Variants in SHB observed in about 807,000 individuals in gnomAD.
The protein encoded by SHB is SH2 domain containing adaptor protein B.
A neutral mutation model predicts 52.3 loss-of-function variants in SHB; 20 were observed. The observed-to-expected ratio is 0.38, with a 90% CI of 0.27 to 0.56. The LOEUF (loss-of-function observed/expected upper bound fraction) is 0.56. Among genes scored for constraint, SHB ranks in the 20% least tolerant of loss-of-function variants. SHB has a pLI of 0.71. For synonymous variants in SHB, 397 were observed against 316.5 expected (o/e 1.25, Z -2.70); for missense variants, 825 against 723.3 (o/e 1.14, Z -1.61).
chr9:38,005,174 C>T (rs577478758), intron 2 of SHB, among the ~76,000 whole-genome samples: 2 of 152,214 alleles, frequency 1.3e-5, no homozygotes, highest in Admixed American at 6.5e-5. Flanking sequence ...AATGGGGTGA[C>T]GTGGGCAGTA....
In SHB at chr9:37,919,813, T is replaced by A; in HGVS notation, c.*8A>T. ...GCTCTGTCACAGAGCAGGGCAGGTC[T>A]GGTCCGCTCACAGGGTCCTCACAGC... On this transcript the variant is annotated 3_prime_UTR_variant, in exon 6 of 6. Transcript: ENST00000377707. 6.2e-7 allele frequency: 1 copy of A among 1,612,138 alleles called. No individual in the cohort carries two copies. Among genetic ancestry groups the A allele is most frequent in the Non-Finnish European group, 8.5e-7 (1 of 1,179,236 alleles).
intron 2 of SHB, among the ~76,000 whole-genome samples, chr9:37,994,819 T>G (rs1386421677): frequency 6.6e-6 from 1 of 152,224 alleles, no homozygotes; most frequent in Non-Finnish European, 1.5e-5. Flanking sequence ...TCTTTCATAA[T>G]ATCAGTCATG....
intron 1 of SHB, among the ~76,000 whole-genome samples, chr9:38,045,399 G>A (rs561434522): frequency 7.9e-5 from 12 of 151,850 alleles, no homozygotes; most frequent in Admixed American, 2.6e-4. Flanking sequence ...CCAGGAGTTC[G>A]AGACCAGCTT....
At chr9:37,985,905 A>C (rs1820801580) in intron 2 of SHB, among the ~76,000 whole-genome samples, 1 of 152,190 alleles carries the variant, frequency 6.6e-6, no homozygotes, top group East Asian at 1.9e-4. Context: ...ACTGGGAGTA[A>C]ATTACTCCTC....
At chr9:37,999,126 G>C (rs896287500) in intron 2 of SHB, among the ~76,000 whole-genome samples, 12 of 152,220 alleles carry the variant, frequency 7.9e-5, no homozygotes, top group African/African-American at 2.9e-4. Context: ...ACCCTATAGG[G>C]TGTGGGATTT....
Position 38,068,802 on chromosome 9 carries a change from C to A in SHB, c.-157G>T. 1 of 169,954 alleles carries A rather than the reference C, an allele frequency of 5.9e-6. No homozygotes were observed. Among genetic ancestry groups the A allele is most frequent in the Non-Finnish European group, 1.2e-5 (1 of 82,472 alleles). The allele number at this position is 169,954 out of a possible 1,614,324, so 10.5% of individuals were successfully genotyped here. A position where few individuals can be genotyped will look rare whatever the true frequency, so the allele number is the denominator to read the frequency against. On this transcript the variant is annotated 5_prime_UTR_variant, in exon 1 of 6. Coordinates refer to ENST00000377707, the MANE Select transcript of SHB (RefSeq NM_003028.3). ...CGCCAAGTTCAAGTTCTTGCCGCCG[C>A]CGCCTCCTGCCGGCAGCTCTCTGGC... is the stretch of plus-strand genomic sequence containing the variant.
At position 38,016,084 on chromosome 9, in the gene SHB, A is replaced by G. The variant is rs1372845634; in HGVS notation, c.765T>C (p.Asp255=). Residue 255 remains aspartate, a synonymous_variant, in exon 2 of 6, where the codon GAT becomes GAC. Coordinates refer to ENST00000377707, the MANE Select transcript of SHB (RefSeq NM_003028.3). ...DYSDPFDAKN[D]LKSKAGKGES... ...CCCCCTTTCCTGCTTTGCTCTTGAG[A>G]TCATTCTTGGCATCAAAGGGATCTG... 1.9e-6 allele frequency: 3 copies of G among 1,613,928 alleles called. No homozygotes were observed. The highest frequency in any genetic ancestry group is 2.7e-5 in the African/African-American group (2 of 74,900).
chr9:37,928,714 C>G (rs909916449), intron 5 of SHB, among the ~76,000 whole-genome samples: 2 of 152,252 alleles, frequency 1.3e-5, no homozygotes, highest in African/African-American at 4.8e-5. Flanking sequence ...AGATGAGAAC[C>G]TCCACATGAA....
chr9:37,916,522 C>G lies in SHB; in HGVS notation c.*3299G>C, dbSNP rs1832101144. On this transcript the variant is annotated 3_prime_UTR_variant, in exon 6 of 6. Coordinates refer to ENST00000377707, the MANE Select transcript of SHB (RefSeq NM_003028.3). ...GGCAGAGGGAGCCTGCAGCTCCACC[C>G]TGTTGACCGGACGCCTTGCGGGTAG... Among the ~76,000 whole-genome samples the G allele has an allele frequency of 6.6e-6, 1 of 152,258 alleles. No homozygotes were observed. Among genetic ancestry groups the G allele is most frequent in the Non-Finnish European group, 1.5e-5 (1 of 68,038 alleles).
intron 5 of SHB, among the ~76,000 whole-genome samples, chr9:37,937,610 G>C (rs896069872): frequency 6.6e-5 from 10 of 152,230 alleles, no homozygotes; most frequent in Admixed American, 6.5e-4. Flanking sequence ...CTCCAACAGA[G>C]GGCAAGGGCG....
chr9:38,002,985 A>G (rs1263292729), intron 2 of SHB, among the ~76,000 whole-genome samples: 1 of 152,216 alleles, frequency 6.6e-6, no homozygotes, highest in Non-Finnish European at 1.5e-5. Flanking sequence ...TTGGGAATTT[A>G]CAACAAATCT....
At chr9:37,989,362 A>G (rs572687933) in intron 2 of SHB, among the ~76,000 whole-genome samples, 1 of 152,322 alleles carries the variant, frequency 6.6e-6, no homozygotes, top group South Asian at 2.1e-4. Flanking sequence ...CAGTTCCCTA[A>G]GAGGACCTGC....
At chr9:37,985,946 T>C (rs753560617) in intron 2 of SHB, among the ~76,000 whole-genome samples, 58 of 152,250 alleles carry the variant, frequency 3.8e-4, no homozygotes, top group Admixed American at 5.2e-4. Context: ...AGAGTTATAC[T>C]GCATTTTATA....
At chr9:38,049,759 G>A (rs1821715417) in intron 1 of SHB, among the ~76,000 whole-genome samples, 1 of 150,954 alleles carries the variant, frequency 6.6e-6, no homozygotes, top group African/African-American at 2.4e-5. Context: ...TCCCTCATAG[G>A]CCCCTAGGCA....
At chr9:37,980,611 C>T (rs1304587197) in intron 2 of SHB, among the ~76,000 whole-genome samples, 3 of 152,214 alleles carry the variant, frequency 2.0e-5, no homozygotes, top group Admixed American at 6.5e-5. Flanking sequence ...CACAAATGTA[C>T]TTAATGGCTT....
chr9:38,002,170 AG>A (rs1265600588), intron 2 of SHB, among the ~76,000 whole-genome samples: 5 of 152,206 alleles, frequency 3.3e-5, no homozygotes, highest in Non-Finnish European at 7.3e-5. Context: ...GGTTGTTCTG[AG>A]GATGAAATGA....
At chr9:38,066,202 A>G (rs1243063133) in intron 1 of SHB, among the ~76,000 whole-genome samples, 2 of 152,232 alleles carry the variant, frequency 1.3e-5, no homozygotes, top group Admixed American at 1.3e-4. Flanking sequence ...TAGTGTTTGA[A>G]ACAGTCTTAA....
chr9:38,029,027 T>G (rs1023339924), intron 1 of SHB, among the ~76,000 whole-genome samples: 1 of 152,006 alleles, frequency 6.6e-6, no homozygotes, highest in Admixed American at 6.5e-5. Context: ...GAACCCTCCT[T>G]GCTCCTGGAG....
chr9:37,940,792 C>T (rs375419572), intron 5 of SHB, among the ~76,000 whole-genome samples: 112 of 152,286 alleles, frequency 7.4e-4, no homozygotes, highest in African/African-American at 2.4e-3. Context: ...TAGGGTATTC[C>T]TGGAGCTGCT....
Sources: allele counts gnomAD v4.1 joint callset (sites outside exome capture counted in the v4.1 genomes callset), GRCh38; gene constraint gnomAD v4.1.1; transcripts MANE v1.5; gene names NCBI Gene and HGNC (gene_info 2026-07-23, HGNC 2026-07-21).